The following OSBPL2 variants were observed in gnomAD, a reference collection of about 807,000 sequenced individuals.
OSBPL2 encodes oxysterol-binding protein-related protein 2.
In OSBPL2, 18 loss-of-function variants were observed where a neutral mutation model predicts 58.4. The observed-to-expected ratio is 0.31, with a 90% CI of 0.21 to 0.46. The LOEUF (loss-of-function observed/expected upper bound fraction) is 0.46. Ranked by LOEUF, OSBPL2 falls within the 20% of genes least tolerant of loss-of-function variation. The pLI is 1.00. For synonymous variants in OSBPL2, 221 were observed against 234.1 expected (o/e 0.94, Z 0.51); for missense variants, 461 against 616.5 (o/e 0.75, Z 2.67).
At chr20:62,289,393 G>C in intron 12 of OSBPL2, 63 bp downstream of exon 12, 2 of 1,562,940 alleles carry the variant, frequency 1.3e-6, no homozygotes, top group Non-Finnish European at 1.7e-6. Context: ...GGGTGGGAGA[G>C]CACAAAGCAC....
intron 8 of OSBPL2, chr20:62,281,516 C>T: frequency 2.0e-6 from 1 of 501,044 alleles, no homozygotes; most frequent in Non-Finnish European, 3.6e-6. Flanking sequence ...GTGGGCTTTG[C>T]CTTTTCACCA....
chr20:62,281,061 T>C lies in OSBPL2; in HGVS notation c.678T>C (p.His226=). The change falls in exon 8 of 14, where the codon CAT becomes CAC. Residue 226 remains histidine, a synonymous_variant. Transcript: ENST00000313733. ...TTGTTTTCTGGTGTCTTCACAGACA[T>C]AATGAAGCCTACACCTGGACCAACC... ...RGTITLELLK[H]NEAYTWTNPT... 6.2e-7 allele frequency: 1 copy of C among 1,612,364 alleles called. No individual in the cohort carries two copies. The highest frequency in any genetic ancestry group is 8.5e-7 in the Non-Finnish European group (1 of 1,178,386).
At position 62,242,165 on chromosome 20, in the gene OSBPL2, G is replaced by C. The variant is rs756828699; in HGVS notation, c.-129+3568G>C. Among the ~76,000 whole-genome samples the C allele has an allele frequency of 4.6e-5, 7 of 152,134 alleles. No individual in the cohort carries two copies. The East Asian group carries it at 1.2e-3, about 25-fold the overall frequency. ...TAGTGAGTTTCAGGCATGGTGTCCC[G>C]GCCTCTCAGGCTGCTGGTTTGGGCT... On this transcript the variant is annotated intron_variant, in intron 1 of 13. Transcript: ENST00000313733.
chr20:62,259,522 C>T (rs1312914470), intron 2 of OSBPL2, among the ~76,000 whole-genome samples: 2 of 152,192 alleles, frequency 1.3e-5, no homozygotes, highest in African/African-American at 4.8e-5. Flanking sequence ...CCACGATGGT[C>T]TCCCTTGAAA....
intron 3 of OSBPL2, 88 bp downstream of exon 3, chr20:62,260,213 A>G: frequency 7.6e-7 from 1 of 1,321,864 alleles, no homozygotes; most frequent in South Asian, 1.4e-5. Flanking sequence ...CCTCACGAGC[A>G]TTGAGCTGGA....
chr20:62,270,093 G>A (rs1229363472), intron 4 of OSBPL2, among the ~76,000 whole-genome samples: 3 of 152,184 alleles, frequency 2.0e-5, no homozygotes, highest in Admixed American at 6.5e-5. Context: ...GGCAGAGCGC[G>A]TCCTTGTGGT....
chr20:62,290,130 T>C (rs1983396150), intron 12 of OSBPL2, among the ~76,000 whole-genome samples: 1 of 152,222 alleles, frequency 6.6e-6, no homozygotes, highest in African/African-American at 2.4e-5. Flanking sequence ...ATCTGTAACA[T>C]GGCAGATGAA....
intron 6 of OSBPL2, among the ~76,000 whole-genome samples, chr20:62,273,626 A>T (rs529210060): frequency 6.6e-6 from 1 of 152,312 alleles, no homozygotes; most frequent in African/African-American, 2.4e-5. Flanking sequence ...AAGCGCTGGC[A>T]ATGAGATATT....
intron 9 of OSBPL2, among the ~76,000 whole-genome samples, chr20:62,283,753 C>G (rs976963546): frequency 6.6e-6 from 1 of 152,148 alleles, no homozygotes; most frequent in Non-Finnish European, 1.5e-5. Context: ...CTTCCCGTCT[C>G]CTGCAGTCCC....
In OSBPL2 at chr20:62,286,691, C is replaced by T. The variant is rs775800400; in HGVS notation, c.1105C>T (p.Arg369Trp). 3.1e-6 allele frequency: 5 copies of T among 1,613,044 alleles called. No homozygotes were observed. The highest frequency in any genetic ancestry group is 1.7e-5 in the Admixed American group (1 of 60,014). Residue 369 changes from arginine to tryptophan, a missense_variant, in exon 11 of 14, where the codon CGG becomes TGG. Transcript: ENST00000313733. ...CAAGCTGCTCTGGAGGATCAACACCCGGCCCCCCAACTCTGCCCAGGTCTG... is the reference window on the plus strand; with the variant it reads ...CAAGCTGCTCTGGAGGATCAACACCTGGCCCCCCAACTCTGCCCAGGTCTG... ...GSKLLWRINT[R>W]PPNSAQMYNF... is the part of the protein sequence containing the mutation.
intron 9 of OSBPL2, among the ~76,000 whole-genome samples, chr20:62,282,944 C>G (rs1189190588): frequency 6.6e-6 from 1 of 152,186 alleles, no homozygotes; most frequent in East Asian, 1.9e-4. Flanking sequence ...CCATTTCTCC[C>G]ATAAAACATG....
chr20:62,275,534 A>C (rs544683333), intron 6 of OSBPL2, among the ~76,000 whole-genome samples: 2 of 151,986 alleles, frequency 1.3e-5, no homozygotes, highest in African/African-American at 4.8e-5. Flanking sequence ...TGTAGCCTCG[A>C]CCTCCTGGGC....
Position 62,269,041 on chromosome 20 carries a change from A to G in OSBPL2, c.259-3084A>G, listed in dbSNP as rs1981880942. On this transcript the variant is annotated intron_variant, in intron 4 of 13. Coordinates refer to ENST00000313733, the MANE Select transcript of OSBPL2 (RefSeq NM_144498.4). This position sits in a 1 kb window ranked among gnomAD's most constrained non-coding sequence, Gnocchi z 4.2. ...ACCATTGCACTGCTGCCTAGGCGAC[A>G]GTGTGAGACTCCAACTCAAAAAAAA... Among the ~76,000 whole-genome samples the G allele has an allele frequency of 7.9e-5, 12 of 151,946 alleles. No homozygotes were observed. In the South Asian group the frequency reaches 2.3e-3, roughly 29 times the overall value.
intron 3 of OSBPL2, 67 bp from the exon 4 acceptor site, chr20:62,263,549 C>A: frequency 8.3e-7 from 1 of 1,206,508 alleles, no homozygotes; most frequent in Non-Finnish European, 1.2e-6. Context: ...TCATTGAGCA[C>A]AGCCTCCTTG....
intron 1 of OSBPL2, among the ~76,000 whole-genome samples, chr20:62,248,145 C>A (rs1447654216): frequency 8.7e-6 from 1 of 115,232 alleles, no homozygotes; most frequent in Non-Finnish European, 1.7e-5. Flanking sequence ...TTTCTTTTTT[C>A]TTTTCTTTTC....
At chr20:62,287,269 T>C (rs1160254965) in intron 11 of OSBPL2, among the ~76,000 whole-genome samples, 2 of 152,232 alleles carry the variant, frequency 1.3e-5, no homozygotes, top group Non-Finnish European at 2.9e-5. Context: ...TCACACGTAA[T>C]ATCTTAGTAT....
intron 11 of OSBPL2, 143 bp from the exon 12 acceptor site, chr20:62,289,064 G>A (rs1257942409): frequency 2.5e-6 from 2 of 795,872 alleles, no homozygotes; most frequent in East Asian, 2.7e-5. Flanking sequence ...GAATTTGCAG[G>A]TGGAAGACGT....
At chr20:62,275,016 A>T (rs961357494) in intron 6 of OSBPL2, among the ~76,000 whole-genome samples, 1 of 152,210 alleles carries the variant, frequency 6.6e-6, no homozygotes, top group Non-Finnish European at 1.5e-5. Context: ...AATGTGTAAC[A>T]TTGAGAAAGG....
chr20:62,246,845 C>T (rs1054388878), intron 1 of OSBPL2, among the ~76,000 whole-genome samples: 1 of 152,200 alleles, frequency 6.6e-6, no homozygotes, highest in African/African-American at 2.4e-5. Flanking sequence ...AGCCTTGATC[C>T]GGGAGACCTT....
Sources: allele counts gnomAD v4.1 joint callset (sites outside exome capture counted in the v4.1 genomes callset), GRCh38; gene constraint gnomAD v4.1.1; non-coding constraint Gnocchi (gnomAD v3.1); transcripts MANE v1.5; gene names NCBI Gene and HGNC (gene_info 2026-07-23, HGNC 2026-07-21).